Variants in MYH9 observed in about 807,000 individuals in gnomAD.
The protein encoded by MYH9 is myosin heavy chain 9, also known as myosin-9.
MYH9 carries 29 observed loss-of-function variants against 241.9 expected under a neutral mutation model. The observed-to-expected ratio is 0.12, with a 90% CI of 0.09 to 0.16. The LOEUF is 0.16. Among genes scored for constraint, MYH9 ranks in the 10% least tolerant of loss-of-function variants. The pLI is 1.00. For synonymous variants in MYH9, 1,047 were observed against 1,062.6 expected (o/e 0.99, Z 0.29); for missense variants, 1,803 against 2,595.5 (o/e 0.69, Z 6.63).
intron 15 of MYH9, among the ~76,000 whole-genome samples, chr22:36,307,732 A>G (rs1419022087): frequency 2.6e-5 from 4 of 152,170 alleles, no homozygotes; most frequent in African/African-American, 9.7e-5. Flanking sequence ...TACTAAAAAT[A>G]CAAAAGTTAG....
At position 36,296,961 on chromosome 22, in the gene MYH9, T is replaced by C. The variant is rs2016798208; in HGVS notation, c.3154A>G (p.Lys1052Glu). The C allele has an allele frequency of 1.2e-6, 2 of 1,614,072 alleles. No individual in the cohort carries two copies. Among genetic ancestry groups the C allele is most frequent in the African/African-American group, 2.7e-5 (2 of 74,954 alleles). Reference protein sequence around the residue: ...QRQELEKTRRKLEGDSTDLSD... With the variant: ...QRQELEKTRRELEGDSTDLSD... ...AGGTCTGTGGAGTCTCCCTCCAGCT[T>C]CCGGCGGGTCTTCTCCAGCTCCTGT... Residue 1052 changes from lysine to glutamate, a missense_variant, in exon 25 of 41, where the codon AAG becomes GAG. Coordinates refer to ENST00000216181, the MANE Select transcript of MYH9 (RefSeq NM_002473.6).
At position 36,292,339 on chromosome 22, in the gene MYH9, G is replaced by T. The variant is rs1603482882; in HGVS notation, c.4096-105C>A. On this transcript the variant is annotated intron_variant, in intron 30 of 40. Transcript: ENST00000216181. ...GCCTGCCTGCCACACCGTGGAAGGG[G>T]CACCAGGGATCTGCCCAGTTATGAA... 4.7e-6 allele frequency: 7 copies of T among 1,489,170 alleles called. No individual in the cohort carries two copies. The South Asian group carries it at 7.9e-5, about 17-fold the overall frequency. The allele number at this position is 1,489,170 out of a possible 1,614,324, so 92.2% of individuals were successfully genotyped here. A position where few individuals can be genotyped will look rare whatever the true frequency, so the allele number is the denominator to read the frequency against.
rs2016849216 is a variant in MYH9, at chr22:36,300,001, C to G, written c.2976+126G>C. The stretch of plus-strand genomic sequence containing the variant: ...GGGAGCACTTGCAGTTAAGCAGAAG[C>G]CCTCATGCTGCAGGCAGAAGAGACA... On this transcript the variant is annotated intron_variant, in intron 23 of 40. Coordinates refer to ENST00000216181, the MANE Select transcript of MYH9 (RefSeq NM_002473.6). The surrounding 1 kb of genome is among the most constrained non-coding windows in gnomAD (Gnocchi z 5.0). The G allele has an allele frequency of 1.5e-6, 2 of 1,365,472 alleles. No individual in the cohort carries two copies. Among genetic ancestry groups the G allele is most frequent in the Non-Finnish European group, 2.1e-6 (2 of 971,548 alleles). The allele number at this position is 1,365,472 out of a possible 1,614,324, so 84.6% of individuals were successfully genotyped here. A position where few individuals can be genotyped will look rare whatever the true frequency, so the allele number is the denominator to read the frequency against.
At chr22:36,315,081 G>A (rs1365900202) in intron 12 of MYH9, among the ~76,000 whole-genome samples, 1 of 152,114 alleles carries the variant, frequency 6.6e-6, no homozygotes, top group African/African-American at 2.4e-5. Flanking sequence ...ACCGCACCCG[G>A]CCTCTGTGCT....
chr22:36,328,365 A>G (rs1172771753), intron 3 of MYH9, among the ~76,000 whole-genome samples: 3 of 152,252 alleles, frequency 2.0e-5, no homozygotes, highest in Non-Finnish European at 4.4e-5. Context: ...CTGGCTGTTC[A>G]GTACTGGGTA....
intron 4 of MYH9, 100 bp from the exon 5 acceptor site, chr22:36,326,761 T>TG (rs2017342132): frequency 1.9e-6 from 2 of 1,062,182 alleles, no homozygotes; most frequent in South Asian, 2.5e-5. Flanking sequence ...TTCTGTTGGG[T>TG]GCCCGTGAAG....
At chr22:36,368,031 A>G (rs118148026) in intron 1 of MYH9, among the ~76,000 whole-genome samples, 2,184 of 152,352 alleles carry the variant, frequency 0.014, 28 homozygotes, top group Non-Finnish European at 0.022. Context: ...GCCTGCATAC[A>G]GACACCCCAG....
intron 1 of MYH9, among the ~76,000 whole-genome samples, chr22:36,368,157 C>G (rs1381515676): frequency 6.6e-6 from 1 of 152,192 alleles, no homozygotes; most frequent in Non-Finnish European, 1.5e-5. Context: ...CTTTCTTCAT[C>G]TGTACAATGG....
Position 36,293,679 on chromosome 22 carries a change from G to C in MYH9, c.3942+80C>G, listed in dbSNP as rs757632120. 2.9e-6 allele frequency: 4 copies of C among 1,393,172 alleles called. No homozygotes were observed. The highest frequency in any genetic ancestry group is 4.0e-6 in the Non-Finnish European group (4 of 993,324). The allele number at this position is 1,393,172 out of a possible 1,614,324, so 86.3% of individuals were successfully genotyped here. On this transcript the variant is annotated intron_variant, in intron 29 of 40. Transcript: ENST00000216181. The surrounding 1 kb of genome is among the most constrained non-coding windows in gnomAD (Gnocchi z 5.1). ...TGAAGGAGAGGATGGGCAATCCGAT[G>C]GGCTCTGAAGCTAATGTTGCGTGGA...
At chr22:36,312,865 T>C (rs1428029781) in intron 13 of MYH9, among the ~76,000 whole-genome samples, 1 of 151,762 alleles carries the variant, frequency 6.6e-6, no homozygotes. Context: ...TCCCAGCACT[T>C]TGGGAGGCCG....
At chr22:36,317,141 G>A in intron 11 of MYH9, among the ~76,000 whole-genome samples, 1 of 118,488 alleles carries the variant, frequency 8.4e-6, no homozygotes, top group East Asian at 2.3e-4. Context: ...CAGAGGGGCA[G>A]GGGGAGATAA....
chr22:36,301,657 C>T lies in MYH9; in HGVS notation c.2508G>A (p.Pro836=), dbSNP rs1052183752. The T allele has an allele frequency of 3.1e-6, 5 of 1,613,554 alleles. No individual in the cohort carries two copies. Among genetic ancestry groups the T allele is most frequent in the East Asian group, 4.5e-5 (2 of 44,890 alleles). The change falls in exon 21 of 41, where the codon CCG becomes CCA. Residue 836 remains proline (P), a synonymous_variant. Coordinates refer to ENST00000216181, the MANE Select transcript of MYH9 (RefSeq NM_002473.6). ...CCTCCTGCCGGCTCACCTGCAGCAGCGGCTTGACCTGGGAGAGGAGATAGA... is the reference window on the plus strand; with the variant it reads ...CCTCCTGCCGGCTCACCTGCAGCAGTGGCTTGACCTGGGAGAGGAGATAGA... The part of the protein sequence containing the change: ...QWWRLFTKVK[P]LLQVSRQEEE...
intron 11 of MYH9, among the ~76,000 whole-genome samples, chr22:36,317,137 G>A (rs1190888352): frequency 9.7e-6 from 1 of 103,006 alleles, no homozygotes; most frequent in African/African-American, 3.5e-5. Flanking sequence ...TGGGCAGAGG[G>A]GCAGGGGGAG....
chr22:36,378,111 C>CA lies in MYH9; in HGVS notation c.-20+9695dup, dbSNP rs553188580. Reference sequence around the variant, plus strand: ...GCAACATGGCAAAACCCTGTCTCTACAAAAAAAAAAAAAAATTAGCCAGGC... The same window carrying CA: ...GCAACATGGCAAAACCCTGTCTCTACAAAAAAAAAAAAAAAATTAGCCAGGC... On this transcript the variant is annotated intron_variant, in intron 1 of 40. Coordinates refer to ENST00000216181, the MANE Select transcript of MYH9 (RefSeq NM_002473.6). 9.9e-3 allele frequency among the ~76,000 whole-genome samples: 1,101 copies of CA among 111,694 alleles called. 8 individuals carry two copies. Among genetic ancestry groups the CA allele is most frequent in the South Asian group, 0.048 (175 of 3,684 alleles). 73.3% of individuals were successfully genotyped at this position (111,694 alleles called of 152,430 possible).
intron 3 of MYH9, among the ~76,000 whole-genome samples, chr22:36,335,022 C>T (rs557104995): frequency 6.6e-6 from 1 of 152,312 alleles, no homozygotes; most frequent in South Asian, 2.1e-4. Context: ...GAGACAGGCC[C>T]AGCAGCCCCT....
chr22:36,335,105 G>A (rs921509842), intron 3 of MYH9, among the ~76,000 whole-genome samples: 3 of 152,196 alleles, frequency 2.0e-5, no homozygotes, highest in African/African-American at 7.2e-5. Context: ...TCGAGGCTCG[G>A]TGGGGCGCCC....
At position 36,300,045 on chromosome 22, in the gene MYH9, G is replaced by A; in HGVS notation, c.2976+82C>T. The A allele has an allele frequency of 1.3e-6, 2 of 1,576,596 alleles. No homozygotes were observed. Among genetic ancestry groups the A allele is most frequent in the Non-Finnish European group, 1.7e-6 (2 of 1,158,746 alleles). Reference sequence around the variant, plus strand: ...AGAGACAGGAAGCAGCAGCAGCGGGGAGCCAGGCCCTGCAAGGGTGACCAC... The same window carrying A: ...AGAGACAGGAAGCAGCAGCAGCGGGAAGCCAGGCCCTGCAAGGGTGACCAC... On this transcript the variant is annotated intron_variant, in intron 23 of 40. Coordinates refer to ENST00000216181, the MANE Select transcript of MYH9 (RefSeq NM_002473.6). This position sits in a 1 kb window ranked among gnomAD's most constrained non-coding sequence, Gnocchi z 5.0.
At chr22:36,315,757 AT>A (rs201687794) in intron 12 of MYH9, among the ~76,000 whole-genome samples, 14 of 128,428 alleles carry the variant, frequency 1.1e-4, no homozygotes, top group African/African-American at 3.0e-4. Context: ...CAAAAAAAAA[AT>A]AACAAACAAA....
chr22:36,331,594 G>A (rs1036313657), intron 3 of MYH9, among the ~76,000 whole-genome samples: 1 of 152,214 alleles, frequency 6.6e-6, no homozygotes, highest in Admixed American at 6.5e-5. Context: ...GAGAGGAGCT[G>A]CAGCTCACTC....
Sources: gnomAD v4.1 joint callset for allele counts (sites outside exome capture counted in the v4.1 genomes callset) on GRCh38, gnomAD v4.1.1 for gene constraint, Gnocchi (gnomAD v3.1) non-coding constraint, MANE v1.5 for transcripts, NCBI Gene and HGNC (gene_info 2026-07-23, HGNC 2026-07-21) for gene names.